Variants in PLCG2 observed in about 807,000 individuals in gnomAD.
PLCG2 encodes the protein 1-phosphatidylinositol 4,5-bisphosphate phosphodiesterase gamma-2.
A neutral mutation model predicts 175.6 loss-of-function variants in PLCG2; 69 were observed. The observed-to-expected ratio is 0.39, with a 90% CI of 0.32 to 0.48. The LOEUF (loss-of-function observed/expected upper bound fraction) is 0.48, where lower values mean the gene tolerates loss of function less well. PLCG2 is among the 20% of genes least tolerant of loss of function. The pLI, the probability that PLCG2 is intolerant of heterozygous loss-of-function variation, is 0.91. For synonymous variants in PLCG2, 827 were observed against 624.0 expected, an observed-to-expected ratio of 1.33 and a Z score of -4.85; for missense variants, 1,798 against 1,650.9, an observed-to-expected ratio of 1.09 and a Z score of -1.54.
chr16:81,921,154 AG>A, intron 20 of PLCG2, 43 bp from the exon 21 acceptor site: 1 of 1,216,796 alleles, frequency 8.2e-7, no homozygotes, highest in Non-Finnish European at 1.2e-6. Flanking sequence ...GGGCTATTCC[AG>A]GAGCATGGAT....
chr16:81,819,552 G>A (rs967350290), intron 2 of PLCG2, among the ~76,000 whole-genome samples: 4 of 152,138 alleles, frequency 2.6e-5, no homozygotes, highest in Non-Finnish European at 5.9e-5. Flanking sequence ...TGGAAGGCTG[G>A]ACTCTATCCC....
At chr16:81,896,096 G>T (rs1211304918) in intron 13 of PLCG2, among the ~76,000 whole-genome samples, 169 bp downstream of exon 13, 1 of 152,028 alleles carries the variant, frequency 6.6e-6, no homozygotes, top group Non-Finnish European at 1.5e-5. Flanking sequence ...CCCGAGTGTT[G>T]GCACCCCCTG....
At chr16:81,859,590 A>G (rs28613941) in intron 5 of PLCG2, among the ~76,000 whole-genome samples, 22,629 of 151,494 alleles carry the variant, frequency 0.15, 1,996 homozygotes, top group Non-Finnish European at 0.21. Flanking sequence ...GCTGGAGTGC[A>G]GTGGCATGAT....
At chr16:81,887,348 T>A (rs539778042) in intron 9 of PLCG2, among the ~76,000 whole-genome samples, 1 of 152,214 alleles carries the variant, frequency 6.6e-6, no homozygotes, top group South Asian at 2.1e-4. Flanking sequence ...CTCGATCTCC[T>A]GACCTCATGA....
intron 2 of PLCG2, among the ~76,000 whole-genome samples, chr16:81,815,980 T>C (rs1904526515): frequency 6.6e-6 from 1 of 151,814 alleles, no homozygotes; most frequent in Admixed American, 6.6e-5. Flanking sequence ...GAGAATTGCT[T>C]GAACCCGGGA....
intron 2 of PLCG2, among the ~76,000 whole-genome samples, chr16:81,756,396 A>G (rs1248140158): frequency 6.6e-6 from 1 of 152,240 alleles, no homozygotes; most frequent in Non-Finnish European, 1.5e-5. Flanking sequence ...CCTCAGAACA[A>G]ACTGCTATCT....
rs1417831422 is a variant in PLCG2, at chr16:81,766,742, G to C, written c.-48+10776G>C. On this transcript the variant is annotated intron_variant, in intron 2 of 5. Coordinates refer to the PLCG2 transcript ENST00000565054. ...TCCTCAGCTTCTAGAACATTCCCTG[G>C]AACACAGCAAGTGTTCAGTATTGTT... is the stretch of plus-strand genomic sequence containing the variant. 4 of 152,076 alleles carry C rather than the reference G, an allele frequency of 2.6e-5. No homozygotes were observed. In the East Asian group the frequency reaches 7.7e-4, roughly 29 times the overall value. The allele number at this position is 152,076 out of a possible 1,614,324, so 9.4% of individuals were successfully genotyped here. A position where few individuals can be genotyped will look rare whatever the true frequency, so the allele number is the denominator to read the frequency against.
rs190390227 is a variant in PLCG2, at chr16:81,802,696, C to G, written c.193+16514C>G. Among the ~76,000 whole-genome samples the G allele has an allele frequency of 9.7e-3, 1,471 of 151,774 alleles. 10 individuals are homozygous for G. Among genetic ancestry groups the G allele is most frequent in the Non-Finnish European group, 0.017 (1,152 of 67,878 alleles). On this transcript the variant is annotated intron_variant, in intron 2 of 32. Coordinates refer to ENST00000564138, the MANE Select transcript of PLCG2 (RefSeq NM_002661.5). ...AAGCAATTCTCATGCCTCAGCCTCC[C>G]AAGTAGCTGGGATTACAGGCATGCG...
At chr16:81,925,916 A>T (rs562610746) in intron 22 of PLCG2, among the ~76,000 whole-genome samples, 45 of 151,140 alleles carry the variant, frequency 3.0e-4, no homozygotes, top group Admixed American at 8.6e-4. Context: ...CCAGAAGGAT[A>T]TCATATAGAG....
At chr16:81,757,695 A>C (rs911031466) in intron 2 of PLCG2, among the ~76,000 whole-genome samples, 1 of 152,212 alleles carries the variant, frequency 6.6e-6, no homozygotes, top group East Asian at 1.9e-4. Flanking sequence ...TCACCCATTT[A>C]AAGTGTGATT....
At chr16:81,812,013 A>G (rs990880722) in intron 2 of PLCG2, among the ~76,000 whole-genome samples, 18 of 146,712 alleles carry the variant, frequency 1.2e-4, no homozygotes, top group African/African-American at 4.3e-4. Flanking sequence ...CTATTTCTCT[A>G]CATCCTCTCC....
intron 4 of PLCG2, 143 bp from the exon 5 acceptor site, chr16:81,858,973 C>T (rs780092483): frequency 7.3e-6 from 4 of 550,062 alleles, no homozygotes; most frequent in African/African-American, 1.9e-5. Flanking sequence ...AAACTGCTTC[C>T]CAAGCTGCCC....
intron 9 of PLCG2, among the ~76,000 whole-genome samples, chr16:81,887,266 C>T (rs1908417194): frequency 6.6e-6 from 1 of 152,070 alleles, no homozygotes; most frequent in African/African-American, 2.4e-5. Flanking sequence ...ACTACAGGCA[C>T]CCGCCACCAC....
At chr16:81,807,444 A>T (rs376194994) in intron 2 of PLCG2, among the ~76,000 whole-genome samples, 62 of 152,314 alleles carry the variant, frequency 4.1e-4, no homozygotes, top group African/African-American at 1.4e-3. Flanking sequence ...TTTCAGCTTC[A>T]TACAAGGCAG....
chr16:81,827,825 T>G (rs1905105712), intron 2 of PLCG2, among the ~76,000 whole-genome samples: 1 of 152,028 alleles, frequency 6.6e-6, no homozygotes, highest in African/African-American at 2.4e-5. Flanking sequence ...GCACGGTGGT[T>G]CATGCCTGTA....
At chr16:81,912,458 G>A (rs753709518) in intron 18 of PLCG2, 139 bp from the exon 19 acceptor site, 1 of 994,434 alleles carries the variant, frequency 1.0e-6, no homozygotes, top group Non-Finnish European at 1.4e-6. Context: ...GTCTGGGGAA[G>A]CCCACTGTGT....
At chr16:81,820,355 C>T (rs750431897) in intron 2 of PLCG2, among the ~76,000 whole-genome samples, 9 of 152,304 alleles carry the variant, frequency 5.9e-5, no homozygotes, top group Non-Finnish European at 1.3e-4. Context: ...CAGGCCACCC[C>T]AACCTACTTT....
chr16:81,803,633 T>TTCCCTCCATCCCTCCC (rs1911853761), intron 2 of PLCG2, among the ~76,000 whole-genome samples: 1 of 88,570 alleles, frequency 1.1e-5, no homozygotes, highest in Non-Finnish European at 2.3e-5. Flanking sequence ...TCTTTTCTTC[T>TTCCCTCCATCCCTCCC]TCCCTCCCTC....
intron 5 of PLCG2, among the ~76,000 whole-genome samples, chr16:81,866,939 C>G (rs1401793700): frequency 6.6e-6 from 1 of 152,248 alleles, no homozygotes; most frequent in African/African-American, 2.4e-5. Context: ...GGGCAACTTC[C>G]CTAGCCTGCT....
Sources: gnomAD v4.1 joint callset for allele counts (sites outside exome capture counted in the v4.1 genomes callset) on GRCh38, gnomAD v4.1.1 for gene constraint, MANE v1.5 for transcripts, NCBI Gene and HGNC (gene_info 2026-07-23, HGNC 2026-07-21) for gene names.